PPP1CB: variants seen among roughly 807,000 people sequenced by gnomAD.
PPP1CB encodes protein phosphatase 1 catalytic subunit beta.
In PPP1CB, 2 loss-of-function variants were observed where a neutral mutation model predicts 43.7. The observed-to-expected ratio is 0.05, with a 90% confidence interval of 0.02 to 0.14. The LOEUF is 0.14. Among genes scored for constraint, PPP1CB ranks in the 10% least tolerant of loss-of-function variants. The pLI is 1.00. For synonymous variants in PPP1CB, 136 were observed against 135.6 expected (o/e 1.00, Z -0.02); for missense variants, 84 against 398.0 (o/e 0.21, Z 6.71).
intron 1 of PPP1CB, among the ~76,000 whole-genome samples, chr2:28,772,075 G>C (rs1666926481): frequency 1.3e-5 from 2 of 152,088 alleles, no homozygotes; most frequent in Non-Finnish European, 2.9e-5. Flanking sequence ...CCAGCACTTT[G>C]GGAGGCCAAG....
chr2:28,754,400 A>G (rs1452786664), intron 1 of PPP1CB, among the ~76,000 whole-genome samples: 1 of 152,000 alleles, frequency 6.6e-6, no homozygotes, highest in Non-Finnish European at 1.5e-5. Flanking sequence ...TTAATTTAGC[A>G]AGCGTTAACA....
At chr2:28,765,596 T>G (rs1666762776) in intron 1 of PPP1CB, among the ~76,000 whole-genome samples, 1 of 152,260 alleles carries the variant, frequency 6.6e-6, no homozygotes, top group Non-Finnish European at 1.5e-5. Context: ...CTCACTTGTC[T>G]TAACTTGGCA....
chr2:28,776,071 G>A (rs1404136982), intron 1 of PPP1CB, among the ~76,000 whole-genome samples: 1 of 151,894 alleles, frequency 6.6e-6, no homozygotes, highest in African/African-American at 2.4e-5. Context: ...AACATTCCAA[G>A]AAAGTGTGTG....
At chr2:28,754,016 G>A (rs1666417792) in intron 1 of PPP1CB, among the ~76,000 whole-genome samples, 1 of 152,144 alleles carries the variant, frequency 6.6e-6, no homozygotes, top group African/African-American at 2.4e-5. Context: ...GATTACAGGC[G>A]TGAGCCATCG....
upstream of PPP1CB, chr2:28,751,716 G>C (rs1270689046): frequency 2.1e-5 from 5 of 235,366 alleles, no homozygotes; most frequent in African/African-American, 1.2e-4. Flanking sequence ...GGGGAGCCTC[G>C]GCGGGGAGCG....
At position 28,778,799 on chromosome 2, in the gene PPP1CB, C is replaced by G. The variant is rs528774950; in HGVS notation, c.185-10C>G. ...CCAATTTTTCTAAAACTGACTCTTTCTCTTTTTAGGAGATATTCATGGACA... is the reference window on the plus strand; with the variant it reads ...CCAATTTTTCTAAAACTGACTCTTTGTCTTTTTAGGAGATATTCATGGACA... On this transcript the variant is annotated splice_polypyrimidine_tract_variant and intron_variant, in intron 2 of 7. Coordinates refer to ENST00000395366, the MANE Select transcript of PPP1CB (RefSeq NM_002709.3). 2.0e-6 allele frequency: 3 copies of G among 1,536,002 alleles called. No homozygotes were observed. The highest frequency in any genetic ancestry group is 1.4e-5 in the African/African-American group (1 of 73,094).
chr2:28,785,533 C>G (rs1572463834), intron 5 of PPP1CB, among the ~76,000 whole-genome samples: 1 of 152,046 alleles, frequency 6.6e-6, no homozygotes. Flanking sequence ...GTTTTTAGGC[C>G]TGGTGCACTA....
chr2:28,789,353 C>T (rs1281969462), intron 6 of PPP1CB, among the ~76,000 whole-genome samples: 1 of 151,524 alleles, frequency 6.6e-6, no homozygotes, highest in Non-Finnish European at 1.5e-5. Context: ...CAAAAAAAAT[C>T]AAAAATTTAG....
chr2:28,786,669 G>A (rs1343559584), intron 5 of PPP1CB, among the ~76,000 whole-genome samples: 1 of 151,040 alleles, frequency 6.6e-6, no homozygotes, highest in Non-Finnish European at 1.5e-5. Context: ...CAGCTACTCG[G>A]GAGGCTGAGG....
intron 1 of PPP1CB, among the ~76,000 whole-genome samples, chr2:28,765,112 C>T (rs1017784001): frequency 6.6e-6 from 1 of 151,892 alleles, no homozygotes; most frequent in African/African-American, 2.4e-5. Context: ...TGGATATGTG[C>T]GTTGGAAAGA....
At chr2:28,771,154 A>G (rs1230132964) in intron 1 of PPP1CB, among the ~76,000 whole-genome samples, 2 of 148,596 alleles carry the variant, frequency 1.3e-5, no homozygotes, top group Non-Finnish European at 3.0e-5. Context: ...CTTGGGTTCA[A>G]GCGATTCTCC....
chr2:28,765,199 T>C (rs1444195394), intron 1 of PPP1CB, among the ~76,000 whole-genome samples: 1 of 152,202 alleles, frequency 6.6e-6, no homozygotes. Context: ...AGAATTCTTT[T>C]GGGAGAGGAT....
At position 28,752,107 on chromosome 2, in the gene PPP1CB, A is replaced by C. The variant is rs1666308778; in HGVS notation, c.-18A>C. The C allele has an allele frequency of 7.1e-6, 11 of 1,549,802 alleles. No homozygotes were observed. Among genetic ancestry groups the C allele is most frequent in the Non-Finnish European group, 9.6e-6 (11 of 1,146,188 alleles). ...GCCCTTGTTCCCGCTGCTGGGAAGG[A>C]GAGTCTGTGCCGACAAGATGGCGGA... On this transcript the variant is annotated 5_prime_UTR_variant, in exon 1 of 8. Transcript: ENST00000395366.
At chr2:28,759,330 A>G (rs1403153115) in intron 1 of PPP1CB, among the ~76,000 whole-genome samples, 1 of 152,090 alleles carries the variant, frequency 6.6e-6, no homozygotes, top group African/African-American at 2.4e-5. Context: ...AGCCTGGCCA[A>G]CATGGTGAAA....
In PPP1CB at chr2:28,783,996, T is replaced by G. The variant is rs1184767096; in HGVS notation, c.592+18T>G. ...TGATACAGGTAAGTGTAGAGAGAAG[T>G]TTAATTGTTTTGTGTAAAGTGTTTT... On this transcript the variant is annotated intron_variant, in intron 5 of 7. Transcript: ENST00000395366. The G allele has an allele frequency of 3.2e-6, 5 of 1,561,198 alleles. No individual in the cohort carries two copies. Among genetic ancestry groups the G allele is most frequent in the Non-Finnish European group, 4.4e-6 (5 of 1,133,478 alleles).
intron 2 of PPP1CB, among the ~76,000 whole-genome samples, chr2:28,777,810 G>A (rs949422029): frequency 6.6e-6 from 1 of 152,090 alleles, no homozygotes; most frequent in Non-Finnish European, 1.5e-5. Flanking sequence ...GAGCCACCAC[G>A]TCTAGCTGAC....
intron 1 of PPP1CB, among the ~76,000 whole-genome samples, chr2:28,771,310 C>T (rs146622507): frequency 6.6e-6 from 1 of 152,068 alleles, no homozygotes; most frequent in Non-Finnish European, 1.5e-5. Flanking sequence ...CTCGGCCTCC[C>T]AAAGTGCTGG....
At chr2:28,770,423 A>G (rs553057797) in intron 1 of PPP1CB, among the ~76,000 whole-genome samples, 1 of 151,456 alleles carries the variant, frequency 6.6e-6, no homozygotes, top group African/African-American at 2.4e-5. Flanking sequence ...TATCATGCAC[A>G]CATTAATCAA....
At chr2:28,774,628 G>A (rs760586003) in intron 1 of PPP1CB, among the ~76,000 whole-genome samples, 2 of 152,040 alleles carry the variant, frequency 1.3e-5, no homozygotes, top group African/African-American at 2.4e-5. Context: ...GTTTCACCAC[G>A]TTGGCTAGGC....
Sources: allele counts gnomAD v4.1 joint callset (sites outside exome capture counted in the v4.1 genomes callset), GRCh38; gene constraint gnomAD v4.1.1; transcripts MANE v1.5; gene names NCBI Gene and HGNC (gene_info 2026-07-23, HGNC 2026-07-21).